Variants in GNG12 observed in about 807,000 individuals in gnomAD.
GNG12 encodes G protein subunit gamma 12, also known as guanine nucleotide-binding protein G(I)/G(S)/G(O) subunit gamma-12.
For synonymous variants in GNG12, 28 were observed against 29.7 expected, an observed-to-expected ratio of 0.94 and a Z score of 0.19; for missense variants, 69 against 83.8, an observed-to-expected ratio of 0.82 and a Z score of 0.69.
At chr1:67,792,983 C>T (rs978591974) in intron 1 of GNG12, among the ~76,000 whole-genome samples, 4 of 152,134 alleles carry the variant, frequency 2.6e-5, no homozygotes, top group Non-Finnish European at 5.9e-5. Flanking sequence ...AGTCGTTCTC[C>T]CAGCCTCTGA....
chr1:67,816,155 AG>A (rs2100815172), intron 1 of GNG12, among the ~76,000 whole-genome samples: 1 of 152,336 alleles, frequency 6.6e-6, no homozygotes, highest in South Asian at 2.1e-4. Flanking sequence ...TTCTAATGAA[AG>A]AAAAAGATAA....
chr1:67,791,187 G>GT (rs1467326675), intron 1 of GNG12, among the ~76,000 whole-genome samples: 4 of 151,944 alleles, frequency 2.6e-5, no homozygotes, highest in Non-Finnish European at 5.9e-5. Context: ...ATATGATGAT[G>GT]TAAATACAGT....
chr1:67,790,404 G>C (rs1646794798), intron 1 of GNG12, among the ~76,000 whole-genome samples: 2 of 151,990 alleles, frequency 1.3e-5, no homozygotes, highest in South Asian at 4.2e-4. Flanking sequence ...AAAAAACCCA[G>C]AGCCAAGAAA....
chr1:67,805,179 G>C (rs1176634470), intron 1 of GNG12, among the ~76,000 whole-genome samples: 1 of 152,116 alleles, frequency 6.6e-6, no homozygotes, highest in Non-Finnish European at 1.5e-5. Context: ...TAAAGCCTCA[G>C]ATCTAACCAC....
At chr1:67,730,800 A>G (rs1476872351) in intron 2 of GNG12, among the ~76,000 whole-genome samples, 1 of 152,206 alleles carries the variant, frequency 6.6e-6, no homozygotes, top group Non-Finnish European at 1.5e-5. Flanking sequence ...GTTGCACTAA[A>G]TGCAACTTTC....
chr1:67,738,670 A>C (rs1315213340), intron 2 of GNG12, among the ~76,000 whole-genome samples: 1 of 152,218 alleles, frequency 6.6e-6, no homozygotes, highest in Non-Finnish European at 1.5e-5. Flanking sequence ...TGAGACCAGG[A>C]GTTTGAGACA....
intron 2 of GNG12, among the ~76,000 whole-genome samples, chr1:67,727,011 G>A (rs1570489935): frequency 6.6e-6 from 1 of 152,274 alleles, no homozygotes; most frequent in East Asian, 1.9e-4. Context: ...AGAAAGAAGT[G>A]CGCCAAGTGC....
At chr1:67,739,600 C>T (rs1646471575) in intron 2 of GNG12, among the ~76,000 whole-genome samples, 1 of 152,222 alleles carries the variant, frequency 6.6e-6, no homozygotes, top group Non-Finnish European at 1.5e-5. Context: ...TCATGAGCTA[C>T]ATCTTCAAAG....
At chr1:67,798,448 G>A (rs1280274294) in intron 1 of GNG12, among the ~76,000 whole-genome samples, 1 of 152,132 alleles carries the variant, frequency 6.6e-6, no homozygotes, top group Non-Finnish European at 1.5e-5. Context: ...GACCACTGCT[G>A]TATTGAAATA....
At position 67,800,853 on chromosome 1, in the gene GNG12, G is replaced by A. The variant is rs578135250; in HGVS notation, c.-76-23346C>T. ...ACTTGACCTTGTGAACTCCTTGAAA[G>A]GATCATGGAGACCCCTAGGGTCTAT... On this transcript the variant is annotated intron_variant, in intron 1 of 3. Transcript: ENST00000370982. Among the ~76,000 whole-genome samples, 6 of 152,228 alleles carry A rather than the reference G, an allele frequency of 3.9e-5. No individual in the cohort carries two copies. In the East Asian group the frequency reaches 1.2e-3, roughly 29 times the overall value.
At chr1:67,815,673 A>C (rs1646949632) in intron 1 of GNG12, among the ~76,000 whole-genome samples, 1 of 151,978 alleles carries the variant, frequency 6.6e-6, no homozygotes, top group South Asian at 2.1e-4. Flanking sequence ...TTTTTTTCTT[A>C]ATGGACAGAT....
intron 1 of GNG12, among the ~76,000 whole-genome samples, chr1:67,793,889 C>T (rs529598444): frequency 1.8e-4 from 28 of 152,322 alleles, no homozygotes; most frequent in Non-Finnish European, 3.4e-4. Flanking sequence ...TGGCATTAGT[C>T]ACTGTTGCAG....
intron 2 of GNG12, among the ~76,000 whole-genome samples, chr1:67,762,265 C>T (rs1478213707): frequency 1.3e-5 from 2 of 152,148 alleles, no homozygotes; most frequent in Non-Finnish European, 2.9e-5. Context: ...TGTTTATCTG[C>T]CTACCCCATG....
chr1:67,813,044 C>T (rs1054778482), intron 1 of GNG12, among the ~76,000 whole-genome samples: 2 of 152,184 alleles, frequency 1.3e-5, no homozygotes, highest in Non-Finnish European at 2.9e-5. Flanking sequence ...ATGACGATGG[C>T]CCCTTTCTGT....
At chr1:67,803,571 C>A (rs986779044) in intron 1 of GNG12, among the ~76,000 whole-genome samples, 13 of 152,138 alleles carry the variant, frequency 8.5e-5, no homozygotes, top group Non-Finnish European at 4.4e-5. Flanking sequence ...CCTCCTGTGC[C>A]ATATCTATAA....
At chr1:67,750,412 C>A (rs560211380) in intron 2 of GNG12, among the ~76,000 whole-genome samples, 2 of 152,332 alleles carry the variant, frequency 1.3e-5, no homozygotes, top group African/African-American at 4.8e-5. Flanking sequence ...TGTAAAAGTT[C>A]TCAGGTTGCT....
At chr1:67,732,964 G>C (rs1646429374) in intron 2 of GNG12, among the ~76,000 whole-genome samples, 1 of 152,210 alleles carries the variant, frequency 6.6e-6, no homozygotes, top group Non-Finnish European at 1.5e-5. Flanking sequence ...GCTGAACCTT[G>C]GAGGATCTGA....
intron 1 of GNG12, among the ~76,000 whole-genome samples, chr1:67,831,200 A>C (rs933999437): frequency 6.6e-6 from 1 of 152,334 alleles, no homozygotes; most frequent in South Asian, 2.1e-4. Context: ...ACTCCAAAAC[A>C]AAGCAAAACA....
intron 1 of GNG12, among the ~76,000 whole-genome samples, chr1:67,785,772 G>A (rs1437236717): frequency 6.6e-6 from 1 of 152,200 alleles, no homozygotes; most frequent in East Asian, 1.9e-4. Flanking sequence ...TTCTTAGGCT[G>A]GAAGTCTGCA....
Sources: allele counts gnomAD v4.1 joint callset (sites outside exome capture counted in the v4.1 genomes callset), GRCh38; gene constraint gnomAD v4.1.1; transcripts MANE v1.5; gene names NCBI Gene and HGNC (gene_info 2026-07-23, HGNC 2026-07-21).